The following DPP6 variants were observed in gnomAD, a reference collection of about 807,000 sequenced individuals.
The protein encoded by DPP6 is dipeptidyl peptidase like 6, also known as A-type potassium channel modulatory protein DPP6.
Under a neutral mutation model 122.6 loss-of-function variants are expected in DPP6, and 69 were observed. That is an observed-to-expected ratio of 0.56 (90% confidence interval 0.46 to 0.69). The LOEUF (loss-of-function observed/expected upper bound fraction) is 0.69, where lower values mean the gene tolerates loss of function less well. Among genes scored for constraint, DPP6 ranks in the 30% least tolerant of loss-of-function variants. The pLI, the probability that DPP6 is intolerant of heterozygous loss-of-function variation, is 0.00. For missense variants in DPP6, 928 were observed against 1,116.9 expected, an observed-to-expected ratio of 0.83 and a Z score of 2.41; for synonymous variants, 418 against 433.1, an observed-to-expected ratio of 0.97 and a Z score of 0.43.
At chr7:154,574,882 G>C (rs1831429732) in intron 5 of DPP6, among the ~76,000 whole-genome samples, 2 of 146,578 alleles carry the variant, frequency 1.4e-5, no homozygotes, top group Admixed American at 1.4e-4. Flanking sequence ...TGTTGTGTGT[G>C]TGTGGTGTGT....
At chr7:154,518,058 A>G (rs1015357708) in intron 3 of DPP6, among the ~76,000 whole-genome samples, 6 of 152,174 alleles carry the variant, frequency 3.9e-5, no homozygotes, top group African/African-American at 1.4e-4. Flanking sequence ...TGAGATGTGT[A>G]CCATTAAAAT....
chr7:154,471,706 C>T (rs929195711), intron 2 of DPP6, among the ~76,000 whole-genome samples: 1 of 152,028 alleles, frequency 6.6e-6, no homozygotes, highest in African/African-American at 2.4e-5. Flanking sequence ...CAGAAAACAT[C>T]CCCCCATAAA....
chr7:154,075,206 G>A (rs1426880490), intron 1 of DPP6, among the ~76,000 whole-genome samples: 1 of 151,636 alleles, frequency 6.6e-6, no homozygotes, highest in Non-Finnish European at 1.5e-5. Context: ...ACTGCTTGTA[G>A]GAATGTAAAC....
intron 6 of DPP6, among the ~76,000 whole-genome samples, chr7:154,656,636 T>G (rs1837270202): frequency 6.6e-6 from 1 of 152,146 alleles, no homozygotes; most frequent in Admixed American, 6.5e-5. Context: ...GCCCTCAGAT[T>G]TGGACCACTC....
At chr7:154,711,349 G>A (rs1196413251) in intron 7 of DPP6, among the ~76,000 whole-genome samples, 1 of 152,178 alleles carries the variant, frequency 6.6e-6, no homozygotes, top group East Asian at 1.9e-4. Context: ...ACCAGCCTGG[G>A]CAACAGAGCA....
intron 1 of DPP6, among the ~76,000 whole-genome samples, chr7:154,134,875 A>G (rs907221499): frequency 5.3e-5 from 8 of 151,606 alleles, no homozygotes; most frequent in African/African-American, 1.9e-4. Context: ...GTGAGCTTAC[A>G]TGTCCTGTGA....
At chr7:154,426,734 G>A (rs879909057) in intron 1 of DPP6, among the ~76,000 whole-genome samples, 1 of 149,984 alleles carries the variant, frequency 6.7e-6, no homozygotes, top group Non-Finnish European at 1.5e-5. Flanking sequence ...AGGATGTGTT[G>A]GAATGACATA....
intron 1 of DPP6, among the ~76,000 whole-genome samples, chr7:153,903,060 G>A (rs1585007732): frequency 1.3e-5 from 2 of 152,214 alleles, no homozygotes; most frequent in Non-Finnish European, 1.5e-5. Flanking sequence ...GCTTGCAGAT[G>A]CTGAGTGCTC....
chr7:154,859,744 T>G (rs182658195), intron 17 of DPP6, among the ~76,000 whole-genome samples: 1 of 152,132 alleles, frequency 6.6e-6, no homozygotes, highest in African/African-American at 2.4e-5. Flanking sequence ...ACAAACAACT[T>G]AGGTACTGGG....
chr7:153,900,763 C>G (rs558419090), intron 1 of DPP6, among the ~76,000 whole-genome samples: 1 of 152,140 alleles, frequency 6.6e-6, no homozygotes, highest in Non-Finnish European at 1.5e-5. Flanking sequence ...TATAGCAGCA[C>G]CCAAAAGCTG....
intron 21 of DPP6, among the ~76,000 whole-genome samples, chr7:154,882,211 C>G (rs117868673): frequency 2.8e-4 from 43 of 152,258 alleles, no homozygotes; most frequent in Middle Eastern, 3.4e-3. Context: ...CACAGGCAGC[C>G]GAGGTGCCAA....
the DPP6 span, among the ~76,000 whole-genome samples, chr7:153,847,642 C>T: frequency 6.6e-6 from 1 of 152,044 alleles, no homozygotes; most frequent in Non-Finnish European, 1.5e-5. Flanking sequence ...TAAGTATGGA[C>T]CTTATAGAAT....
chr7:153,944,177 G>T (rs990574856), intron 1 of DPP6, among the ~76,000 whole-genome samples: 3 of 152,196 alleles, frequency 2.0e-5, no homozygotes, highest in African/African-American at 4.8e-5. Context: ...AGCACAGCCG[G>T]GGCTCGGTCC....
chr7:154,345,009 G>A (rs202066642), intron 1 of DPP6, among the ~76,000 whole-genome samples: 7 of 152,296 alleles, frequency 4.6e-5, no homozygotes, highest in African/African-American at 9.6e-5. Context: ...TCATGTGACC[G>A]CTCGGCAAAT....
chr7:154,138,727 C>T (rs1161288409), intron 1 of DPP6, among the ~76,000 whole-genome samples: 1 of 150,020 alleles, frequency 6.7e-6, no homozygotes, highest in Non-Finnish European at 1.5e-5. Flanking sequence ...TTCTCTTGCC[C>T]AACAGTGAGC....
the DPP6 span, among the ~76,000 whole-genome samples, chr7:153,855,493 G>T: frequency 2.9e-4 from 44 of 152,256 alleles, no homozygotes; most frequent in African/African-American, 9.1e-4. Context: ...TTTACTGTTT[G>T]CTGCTGTTGT....
chr7:154,836,367 C>G (rs1219233297), intron 16 of DPP6, among the ~76,000 whole-genome samples: 1 of 152,216 alleles, frequency 6.6e-6, no homozygotes, highest in Admixed American at 6.5e-5. Flanking sequence ...ACCTGGGGAG[C>G]TGAGCCTCCA....
rs1795448962 is a variant in DPP6 at position 154,760,249 on chromosome 7, C to T, written c.884-9168C>T. Among the ~76,000 whole-genome samples, 1 of 152,116 alleles carries T rather than the reference C, an allele frequency of 6.6e-6. No homozygotes were observed. The highest frequency in any genetic ancestry group is 1.5e-5 in the Non-Finnish European group (1 of 68,026). On this transcript the variant is annotated intron_variant, in intron 8 of 25. Transcript: ENST00000377770. This position sits in a 1 kb window ranked among gnomAD's most constrained non-coding sequence, Gnocchi z 4.5. ...TTCAGCAGGCGGATTCTGGGATTAG[C>T]AGGTGATTGGTGGAAGGAACGGGGA... is the stretch of plus-strand genomic sequence containing the variant.
At chr7:154,437,203 C>T (rs949784663) in intron 1 of DPP6, among the ~76,000 whole-genome samples, 10 of 152,180 alleles carry the variant, frequency 6.6e-5, no homozygotes, top group Non-Finnish European at 1.5e-4. Flanking sequence ...TTCTCTGATG[C>T]TATTTGTTTT....
Sources: allele counts gnomAD v4.1 joint callset (sites outside exome capture counted in the v4.1 genomes callset), GRCh38; gene constraint gnomAD v4.1.1; non-coding constraint Gnocchi (gnomAD v3.1); transcripts MANE v1.5; gene names NCBI Gene and HGNC (gene_info 2026-07-23, HGNC 2026-07-21).